UBE2O: variants seen among roughly 807,000 people sequenced by gnomAD.
UBE2O encodes the protein (E3-independent) E2 ubiquitin-conjugating enzyme.
Under a neutral mutation model 125.8 loss-of-function variants are expected in UBE2O, and 15 were observed. That is an observed-to-expected ratio of 0.12 (90% CI 0.08 to 0.18). The LOEUF (loss-of-function observed/expected upper bound fraction) is 0.18, where lower values mean the gene tolerates loss of function less well. Among genes scored for constraint, UBE2O ranks in the 10% least tolerant of loss-of-function variants. The pLI is 1.00. For synonymous variants in UBE2O, 708 were observed against 703.2 expected (o/e 1.01, Z -0.11); for missense variants, 1,280 against 1,723.6 (o/e 0.74, Z 4.56).
At chr17:76,439,895 C>T (rs888744809) in intron 1 of UBE2O, among the ~76,000 whole-genome samples, 7 of 152,316 alleles carry the variant, frequency 4.6e-5, no homozygotes, top group African/African-American at 1.4e-4. Context: ...ACTAGGCTCT[C>T]GCTCCCTTAT....
chr17:76,419,995 T>C (rs1482401385), intron 1 of UBE2O, among the ~76,000 whole-genome samples: 1 of 152,146 alleles, frequency 6.6e-6, no homozygotes, highest in Non-Finnish European at 1.5e-5. Context: ...CAACTGCGAA[T>C]GCACAGAAGC....
In UBE2O at chr17:76,452,411, T is replaced by A. The variant is rs1257611435; in HGVS notation, c.417+314A>T. Among the ~76,000 whole-genome samples, 1 of 152,074 alleles carries A rather than the reference T, an allele frequency of 6.6e-6. No individual in the cohort carries two copies. Among genetic ancestry groups the A allele is most frequent in the Non-Finnish European group, 1.5e-5 (1 of 68,008 alleles). On this transcript the variant is annotated intron_variant, in intron 1 of 17. Coordinates refer to ENST00000319380, the MANE Select transcript of UBE2O (RefSeq NM_022066.4). This position sits in a 1 kb window ranked among gnomAD's most constrained non-coding sequence, Gnocchi z 4.4. ...GTAACGCCGAACGCGCCCCAGAACCTGAGTCCCCACGGGAGTCGGTCCACG... is the reference window on the plus strand; with the variant it reads ...GTAACGCCGAACGCGCCCCAGAACCAGAGTCCCCACGGGAGTCGGTCCACG...
chr17:76,402,059 A>G lies in UBE2O; in HGVS notation c.750+5T>C, dbSNP rs756084287. 1 of 1,613,342 alleles carries G rather than the reference A, an allele frequency of 6.2e-7. No homozygotes were observed. On this transcript the variant is annotated splice_donor_5th_base_variant and intron_variant, in intron 5 of 17. Transcript: ENST00000319380. The surrounding 1 kb of genome is among the most constrained non-coding windows in gnomAD (Gnocchi z 5.4). ...AAGGGTGCTGGCCTGGATGGAGCAC[A>G]CTACCGAGTCGCTGACGTGCGGGCA...
chr17:76,395,581 GACC>G lies in UBE2O; in HGVS notation c.2946+141_2946+143del. On this transcript the variant is annotated intron_variant, in intron 15 of 17. Coordinates refer to ENST00000319380, the MANE Select transcript of UBE2O (RefSeq NM_022066.4). The surrounding 1 kb of genome is among the most constrained non-coding windows in gnomAD (Gnocchi z 5.0). ...TCAGCCCTCACCTGACTGAGCCTGT[GACC>G]GCCCCTGTAAAAGGTGGGTGGGTGA... The G allele has an allele frequency of 1.1e-6, 1 of 944,064 alleles. No individual in the cohort carries two copies. The allele number at this position is 944,064 out of a possible 1,614,324, so 58.5% of individuals were successfully genotyped here. A position where few individuals can be genotyped will look rare whatever the true frequency, so the allele number is the denominator to read the frequency against.
intron 1 of UBE2O, among the ~76,000 whole-genome samples, chr17:76,415,742 T>C (rs1328583866): frequency 2.0e-5 from 3 of 150,558 alleles, no homozygotes; most frequent in Non-Finnish European, 4.4e-5. Context: ...GAGGTGGAGT[T>C]TGAGTGAGCT....
chr17:76,427,860 C>T (rs1462968496), intron 1 of UBE2O, among the ~76,000 whole-genome samples: 1 of 152,172 alleles, frequency 6.6e-6, no homozygotes, highest in Non-Finnish European at 1.5e-5. Context: ...GGGAATGGCT[C>T]TTTTGAGGGG....
Position 76,399,659 on chromosome 17 carries a change from A to C in UBE2O, c.1418T>G (p.Leu473Arg). ...FLLKEGRDDRLHSAEQDADDE... is the reference protein window; with the variant it reads ...FLLKEGRDDRRHSAEQDADDE... ...ATCTGCGTCCTGCTCTGCCGAGTGCAGCCTGTCATCTCTGCCTTCTTTTAG... is the reference window on the plus strand; with the variant it reads ...ATCTGCGTCCTGCTCTGCCGAGTGCCGCCTGTCATCTCTGCCTTCTTTTAG... The change falls in exon 9 of 18, where the codon CTG becomes CGG. Residue 473 changes from leucine (L) to arginine (R), a missense_variant. Physicochemically the swap from Leu to Arg is moderately radical, Grantham distance 102 (BLOSUM62 -2). Transcript: ENST00000319380. The surrounding 1 kb of genome is among the most constrained non-coding windows in gnomAD (Gnocchi z 6.9). The C allele has an allele frequency of 1.2e-6, 2 of 1,614,134 alleles. No individual in the cohort carries two copies. The highest frequency in any genetic ancestry group is 1.7e-6 in the Non-Finnish European group (2 of 1,180,022).
Position 76,397,934 on chromosome 17 carries a change from A to G in UBE2O, c.2026-46T>C, listed in dbSNP as rs1427565615. The G allele has an allele frequency of 1.9e-6, 3 of 1,596,350 alleles. No homozygotes were observed. In the African/African-American group the frequency reaches 4.0e-5, roughly 21 times the overall value. ...AGTCAGGGGGCCCAGCTCAAGCTCC[A>G]GCTCCCCAGCCCCTCCTGTGCTCTG... On this transcript the variant is annotated intron_variant, in intron 12 of 17. Transcript: ENST00000319380.
intron 1 of UBE2O, among the ~76,000 whole-genome samples, chr17:76,423,846 G>A (rs1349717044): frequency 2.0e-5 from 3 of 149,694 alleles, no homozygotes; most frequent in Non-Finnish European, 4.4e-5. Context: ...CAGGAGAGGA[G>A]ACTTCCTCTC....
chr17:76,396,650 G>C lies in UBE2O; in HGVS notation c.2287C>G (p.Leu763Val). ...PKIEEPPIPP[L>V]EQPVAPEDKG... The stretch of plus-strand genomic sequence containing the variant: ...TCCTCAGGGGCCACCGGCTGCTCCA[G>C]GGGTGGGATGGGGGGCTCCTCTATC... The change falls in exon 14 of 18, where the codon CTG (leucine) becomes GTG (valine). Residue 763 changes from leucine (L) to valine (V), a missense_variant. Physicochemically the swap from Leu to Val is conservative, Grantham distance 32. This residue lies in a region of UBE2O where 210 missense variants were observed against 268.9 expected (regional missense o/e 0.78). Coordinates refer to ENST00000319380, the MANE Select transcript of UBE2O (RefSeq NM_022066.4). The surrounding 1 kb of genome is among the most constrained non-coding windows in gnomAD (Gnocchi z 6.7). The C allele has an allele frequency of 6.2e-7, 1 of 1,613,610 alleles. No individual in the cohort carries two copies. The highest frequency in any genetic ancestry group is 8.5e-7 in the Non-Finnish European group (1 of 1,179,978).
In UBE2O at chr17:76,390,417, A is replaced by G. The variant is rs1329817727; in HGVS notation, c.*526T>C. ...TGACAGCAGCTACAACTCCCAAGGGATAGTGTTGACGCTGGAGGACTAGGG... is the reference window on the plus strand; with the variant it reads ...TGACAGCAGCTACAACTCCCAAGGGGTAGTGTTGACGCTGGAGGACTAGGG... On this transcript the variant is annotated 3_prime_UTR_variant, in exon 18 of 18. Coordinates refer to ENST00000319380, the MANE Select transcript of UBE2O (RefSeq NM_022066.4). 6.5e-6 allele frequency: 1 copy of G among 154,284 alleles called. No homozygotes were observed. The highest frequency in any genetic ancestry group is 1.4e-5 in the Non-Finnish European group (1 of 69,532). The allele number at this position is 154,284 out of a possible 1,614,324, so 9.6% of individuals were successfully genotyped here. A position where few individuals can be genotyped will look rare whatever the true frequency, so the allele number is the denominator to read the frequency against.
At chr17:76,418,391 C>T (rs1403261439) in intron 1 of UBE2O, among the ~76,000 whole-genome samples, 2 of 152,184 alleles carry the variant, frequency 1.3e-5, no homozygotes, top group Non-Finnish European at 2.9e-5. Context: ...TGCCTTACAA[C>T]CAGCAACTGC....
chr17:76,438,095 G>A (rs1022838004), intron 1 of UBE2O, among the ~76,000 whole-genome samples: 3 of 152,104 alleles, frequency 2.0e-5, no homozygotes, highest in Non-Finnish European at 2.9e-5. Context: ...TCTCTGCCAC[G>A]CTTCCCTCTT....
chr17:76,435,893 G>A lies in UBE2O; in HGVS notation c.417+16832C>T, dbSNP rs553197822. On this transcript the variant is annotated intron_variant, in intron 1 of 17. Transcript: ENST00000319380. Reference sequence around the variant, plus strand: ...CAAAAGGCCCAGTCAGCTGGCCAGAGTTCTAGCCCTCTAGATGCTGCTGAC... The same window carrying A: ...CAAAAGGCCCAGTCAGCTGGCCAGAATTCTAGCCCTCTAGATGCTGCTGAC... Among the ~76,000 whole-genome samples the A allele has an allele frequency of 3.6e-4, 55 of 152,342 alleles. 1 individual carries two copies. The highest frequency in any genetic ancestry group is 1.3e-3 in the African/African-American group (52 of 41,574).
intron 3 of UBE2O, among the ~76,000 whole-genome samples, chr17:76,403,122 AT>A (rs1358900421): frequency 3.3e-5 from 5 of 152,126 alleles, no homozygotes; most frequent in African/African-American, 1.2e-4. Flanking sequence ...CACATCAAGG[AT>A]ATCGAGAGCC....
intron 1 of UBE2O, among the ~76,000 whole-genome samples, chr17:76,406,118 T>C (rs1209584156): frequency 6.6e-6 from 1 of 152,184 alleles, no homozygotes; most frequent in East Asian, 1.9e-4. Context: ...GCCTGCACCT[T>C]ATCTGCTGCG....
At chr17:76,429,369 C>T (rs2072865707) in intron 1 of UBE2O, among the ~76,000 whole-genome samples, 1 of 151,330 alleles carries the variant, frequency 6.6e-6, no homozygotes, top group South Asian at 2.1e-4. Flanking sequence ...TGGCAAAACC[C>T]CATCTTGACA....
chr17:76,444,312 G>C (rs567215115), intron 1 of UBE2O, among the ~76,000 whole-genome samples: 1 of 152,304 alleles, frequency 6.6e-6, no homozygotes, highest in South Asian at 2.1e-4. Context: ...ACTTTGGGAA[G>C]CTGAAGTGGG....
At chr17:76,422,264 TA>T (rs1463839167) in intron 1 of UBE2O, among the ~76,000 whole-genome samples, 1 of 152,188 alleles carries the variant, frequency 6.6e-6, no homozygotes, top group African/African-American at 2.4e-5. Flanking sequence ...AAGCACGACC[TA>T]AATGAACAAC....
Sources: gnomAD v4.1 joint callset for allele counts (sites outside exome capture counted in the v4.1 genomes callset) on GRCh38, gnomAD v4.1.1 for gene constraint, gnomAD v4.1.1 regional missense constraint, Gnocchi (gnomAD v3.1) non-coding constraint, MANE v1.5 for transcripts, NCBI Gene and HGNC (gene_info 2026-07-23, HGNC 2026-07-21) for gene names.